The following H3C4 variants were observed in gnomAD, a reference collection of about 807,000 sequenced individuals.
H3C4 encodes H3 clustered histone 4.
H3C4 carries 10 observed loss-of-function variants against 8.7 expected under a neutral mutation model. The ratio of observed to expected loss-of-function variants is 1.15; its 90% CI spans 0.71 to 1.96. The LOEUF (loss-of-function observed/expected upper bound fraction) is 1.96. H3C4 is among the 30% of genes most tolerant of loss of function. The pLI, the probability that H3C4 is intolerant of heterozygous loss-of-function variation, is 0.00. For missense variants in H3C4, 216 were observed against 192.9 expected (o/e 1.12, Z -0.71); for synonymous variants, 141 against 80.1 (o/e 1.76, Z -4.06).
chr6:26,198,427 G>A (rs1278369298), upstream of H3C4, among the ~76,000 whole-genome samples: 1 of 152,174 alleles, frequency 6.6e-6, no homozygotes, highest in Non-Finnish European at 1.5e-5. Flanking sequence ...CGCCTCCGGG[G>A]TTCAACATTT....
upstream of H3C4, chr6:26,199,261 G>A (rs369689400): frequency 1.1e-5 from 18 of 1,587,302 alleles, no homozygotes; most frequent in African/African-American, 1.1e-4. Flanking sequence ...TCTTAAAAAC[G>A]ATGTTAAGCA....
At chr6:26,199,202 C>A (rs1323153739), upstream of H3C4, 3 of 1,612,600 alleles carry the variant, frequency 1.9e-6, no homozygotes, top group African/African-American at 2.7e-5. Context: ...GGGTCTTAGC[C>A]TTAGCTCGGG....
chr6:26,198,726 A>T, upstream of H3C4: 2 of 932,322 alleles, frequency 2.1e-6, no homozygotes, highest in Non-Finnish European at 3.2e-6. Context: ...AAAAATTATT[A>T]AAGAAAACTG....
chr6:26,198,857 G>A, upstream of H3C4: 1 of 1,612,116 alleles, frequency 6.2e-7, no homozygotes, highest in Non-Finnish European at 8.5e-7. Flanking sequence ...CGTTTTACTT[G>A]CCCTTGGCCT....
upstream of H3C4, chr6:26,198,840 G>C (rs544017356): frequency 5.0e-6 from 8 of 1,610,850 alleles, no homozygotes; most frequent in South Asian, 1.1e-5. Context: ...GCCAATATAA[G>C]AGTTCTCGTT....
At chr6:26,199,254 T>C (rs770104124), upstream of H3C4, 21 of 1,591,492 alleles carry the variant, frequency 1.3e-5, no homozygotes, top group Admixed American at 1.9e-5. Flanking sequence ...TTTGAATTCT[T>C]AAAAACGATG....
chr6:26,196,833 A>G lies in H3C4; in HGVS notation c.*7T>C, dbSNP rs1231334915. ...GGGTTTTGGTTAGCACACATTCACAAGACAATTTACGCCCTCTCCCCACGA... is the reference window on the plus strand; with the variant it reads ...GGGTTTTGGTTAGCACACATTCACAGGACAATTTACGCCCTCTCCCCACGA... On this transcript the variant is annotated 3_prime_UTR_variant, in exon 1 of 1. Transcript: ENST00000356476. 1 of 1,614,052 alleles carries G rather than the reference A, an allele frequency of 6.2e-7. No individual in the cohort carries two copies. Among genetic ancestry groups the G allele is most frequent in the African/African-American group, 1.3e-5 (1 of 74,932 alleles).
Position 26,196,991 on chromosome 6 carries a change from C to T in H3C4, c.260G>A (p.Ser87Asn), listed in dbSNP as rs771901563. ...CTCCTGCAGCGCCATCACCGCCGAG[C>T]TCTGAAAACGCAGATCAGTCTTGAA... ...QDFKTDLRFQSSAVMALQEAC... is the reference protein window; with the variant it reads ...QDFKTDLRFQNSAVMALQEAC... The change falls in exon 1 of 1, where the codon AGC (serine) becomes AAC (asparagine). Residue 87 changes from serine (S) to asparagine (N), a missense_variant. Transcript: ENST00000356476. 5.0e-6 allele frequency: 8 copies of T among 1,614,208 alleles called. No individual in the cohort carries two copies. The highest frequency in any genetic ancestry group is 1.6e-4 in the Middle Eastern group (1 of 6,062).
rs1482512735 is a variant in H3C4 at position 26,197,170 on chromosome 6, T to C, written c.81A>G (p.Arg27=). The part of the protein sequence containing the change: ...PRKQLATKAA[R]KSAPATGGVK... Reference sequence around the variant, plus strand: ...CGCCGCCGGTGGCTGGAGCGCTCTTTCGAGCAGCCTTGGTGGCCAGCTGCT... The same window carrying C: ...CGCCGCCGGTGGCTGGAGCGCTCTTCCGAGCAGCCTTGGTGGCCAGCTGCT... Residue 27 remains arginine, a synonymous_variant, in exon 1 of 1, where the codon CGA becomes CGG. Transcript: ENST00000356476. 7 of 1,614,138 alleles carry C rather than the reference T, an allele frequency of 4.3e-6. No individual in the cohort carries two copies. The Admixed American group carries it at 1.2e-4, about 27-fold the overall frequency.
At chr6:26,198,747 A>T, upstream of H3C4, 1 of 1,166,716 alleles carries the variant, frequency 8.6e-7, no homozygotes, top group Non-Finnish European at 1.2e-6. Context: ...CAAAATAGCT[A>T]TTTACACAGA....
upstream of H3C4, among the ~76,000 whole-genome samples, chr6:26,197,869 T>C (rs761879118): frequency 4.2e-5 from 6 of 141,452 alleles, no homozygotes; most frequent in South Asian, 2.4e-4. Flanking sequence ...CTGGTATTTG[T>C]GTAATCTGCT....
chr6:26,197,826 A>G (rs1464735576), upstream of H3C4, among the ~76,000 whole-genome samples: 4 of 21,992 alleles, frequency 1.8e-4, no homozygotes, highest in African/African-American at 5.5e-4. Flanking sequence ...TGTCATCCTC[A>G]TATGAAAGCA....
chr6:26,198,905 C>CTGGA, upstream of H3C4: 1 of 1,614,260 alleles, frequency 6.2e-7, no homozygotes, highest in South Asian at 1.1e-5. Context: ...GCAGTACAGC[C>CTGGA]TGGATGTTGG....
Position 26,197,213 on chromosome 6 carries a change from C to T in H3C4, c.38G>A (p.Gly13Asp). The stretch of plus-strand genomic sequence containing the variant: ...CAGCTGCTTGCGTGGCGCTTTCCCA[C>T]CCGTGGACTTGCGAGCAGTCTGCTT... ...RTKQTARKST[G>D]GKAPRKQLAT... The change falls in exon 1 of 1, where the codon GGT becomes GAT. Residue 13 changes from glycine to aspartate, a missense_variant. Transcript: ENST00000356476. The T allele has an allele frequency of 6.2e-7, 1 of 1,613,950 alleles. No homozygotes were observed. Among genetic ancestry groups the T allele is most frequent in the Non-Finnish European group, 8.5e-7 (1 of 1,179,958 alleles).
upstream of H3C4, among the ~76,000 whole-genome samples, chr6:26,198,023 ATAAT>A (rs144353000): frequency 0.11 from 16,094 of 152,126 alleles, 903 homozygotes; most frequent in South Asian, 0.15. Flanking sequence ...ATTCCTATTG[ATAAT>A]TAATTAGGGT....
At chr6:26,199,248 A>G, upstream of H3C4, 1 of 1,591,818 alleles carries the variant, frequency 6.3e-7, no homozygotes, top group Non-Finnish European at 8.5e-7. Flanking sequence ...GGACATTTTG[A>G]ATTCTTAAAA....
upstream of H3C4, chr6:26,198,920 A>G (rs1280602738): frequency 6.2e-6 from 10 of 1,614,240 alleles, no homozygotes; most frequent in Non-Finnish European, 8.5e-6. Flanking sequence ...TGTTGGGCAG[A>G]ACACCGCCCT....
upstream of H3C4, among the ~76,000 whole-genome samples, chr6:26,197,570 T>A (rs962651259): frequency 6.6e-6 from 1 of 152,158 alleles, no homozygotes; most frequent in Non-Finnish European, 1.5e-5. Flanking sequence ...AATTTTTTTT[T>A]AAATGTTGGC....
chr6:26,198,878 C>T (rs530347788), upstream of H3C4: 109 of 1,614,062 alleles, frequency 6.8e-5, no homozygotes, highest in Non-Finnish European at 8.8e-5. Flanking sequence ...TGTGGTGACT[C>T]TCAGTCTTCT....
Sources: gnomAD v4.1 joint callset for allele counts (sites outside exome capture counted in the v4.1 genomes callset) on GRCh38, gnomAD v4.1.1 for gene constraint, MANE v1.5 for transcripts, NCBI Gene and HGNC (gene_info 2026-07-23, HGNC 2026-07-21) for gene names.